The following PAN3 variants were observed in gnomAD, a reference collection of about 807,000 sequenced individuals.
The protein encoded by PAN3 is PAN2-PAN3 deadenylation complex subunit PAN3.
In PAN3, 19 loss-of-function variants were observed where a neutral mutation model predicts 96.2. The ratio of observed to expected loss-of-function variants is 0.20; its 90% CI spans 0.14 to 0.29. The LOEUF is 0.29. Ranked by LOEUF, PAN3 falls within the 10% of genes least tolerant of loss-of-function variation. The pLI, the probability that PAN3 is intolerant of heterozygous loss-of-function variation, is 1.00. For synonymous variants in PAN3, 433 were observed against 406.6 expected (o/e 1.06, Z -0.78); for missense variants, 882 against 1,108.1 (o/e 0.80, Z 2.90).
chr13:28,214,602 A>G, intron 5 of PAN3: 3 of 419,044 alleles, frequency 7.2e-6, no homozygotes, highest in South Asian at 6.3e-5. Flanking sequence ...CTGATCTACA[A>G]ATGTGGTGGA....
At chr13:28,236,008 A>G (rs962559533) in intron 6 of PAN3, among the ~76,000 whole-genome samples, 2 of 151,694 alleles carry the variant, frequency 1.3e-5, no homozygotes, top group South Asian at 2.1e-4. Context: ...TTGGGATTAC[A>G]TACGTGAACC....
intron 6 of PAN3, among the ~76,000 whole-genome samples, chr13:28,252,524 GT>G (rs956775414): frequency 6.6e-6 from 1 of 152,012 alleles, no homozygotes; most frequent in African/African-American, 2.4e-5. Context: ...TAGCCTTGAA[GT>G]TTTTAAAATC....
At chr13:28,235,690 CACACAT>C (rs1489245313) in intron 6 of PAN3, among the ~76,000 whole-genome samples, 2 of 104,736 alleles carry the variant, frequency 1.9e-5, no homozygotes, top group Admixed American at 2.3e-4. Flanking sequence ...TATACACACA[CACACAT>C]ACACACACAC....
chr13:28,216,110 A>G (rs1474750299), intron 5 of PAN3, among the ~76,000 whole-genome samples: 1 of 134,836 alleles, frequency 7.4e-6, no homozygotes, highest in Non-Finnish European at 1.6e-5. Flanking sequence ...TAGTTTTACT[A>G]GTTTTTTAAA....
intron 1 of PAN3, among the ~76,000 whole-genome samples, chr13:28,147,061 A>G (rs1242738927): frequency 1.3e-5 from 2 of 152,214 alleles, no homozygotes; most frequent in Non-Finnish European, 2.9e-5. Flanking sequence ...ACCGTCATAC[A>G]TTTGGTTTGT....
At chr13:28,274,028 C>A (rs1232698660) in intron 14 of PAN3, among the ~76,000 whole-genome samples, 1 of 152,188 alleles carries the variant, frequency 6.6e-6, no homozygotes, top group Admixed American at 6.5e-5. Flanking sequence ...GACTTGCAGG[C>A]ACTCATTGCA....
At chr13:28,250,504 T>TA (rs754638479) in intron 6 of PAN3, among the ~76,000 whole-genome samples, 8 of 152,158 alleles carry the variant, frequency 5.3e-5, no homozygotes, top group Non-Finnish European at 1.0e-4. Context: ...TAGCTGAAAT[T>TA]ACAGGCATGT....
intron 6 of PAN3, among the ~76,000 whole-genome samples, chr13:28,222,727 A>G (rs2138390080): frequency 6.6e-6 from 1 of 152,214 alleles, no homozygotes; most frequent in East Asian, 1.9e-4. Flanking sequence ...ATAAATAAAG[A>G]GTTTATTTAC....
rs1332205359 is a variant in PAN3, at chr13:28,177,846, T to TA, written c.620-18dup. On this transcript the variant is annotated intron_variant, in intron 3 of 18. Transcript: ENST00000380958. Reference sequence around the variant, plus strand: ...TACCCAAGTTTTATGTGTGGAAACTTACGTAACTTACCTTTCAGATCCTCT... The same window carrying TA: ...TACCCAAGTTTTATGTGTGGAAACTTAACGTAACTTACCTTTCAGATCCTCT... The TA allele has an allele frequency of 1.9e-6, 3 of 1,606,066 alleles. No homozygotes were observed. Among genetic ancestry groups the TA allele is most frequent in the South Asian group, 2.2e-5 (2 of 90,798 alleles).
chr13:28,263,705 C>G (rs1287179290), intron 9 of PAN3, among the ~76,000 whole-genome samples: 1 of 152,128 alleles, frequency 6.6e-6, no homozygotes. Flanking sequence ...AAGTCAACTT[C>G]AAATAGATTA....
intron 6 of PAN3, among the ~76,000 whole-genome samples, chr13:28,233,929 G>A (rs1440206711): frequency 1.3e-5 from 2 of 152,144 alleles, no homozygotes; most frequent in Non-Finnish European, 2.9e-5. Flanking sequence ...ATGTGTATCA[G>A]CATTTCCCAA....
Position 28,288,094 on chromosome 13 carries a change from T to C in PAN3, c.2495T>C (p.Leu832Pro). Residue 832 changes from leucine (L) to proline (P), a missense_variant, in exon 18 of 19, where the codon CTC becomes CCC. Around this residue, in one of 3 missense-constraint regions of PAN3, gnomAD observed 76 missense variants for 171.7 expected, o/e 0.44. Transcript: ENST00000380958. ...GAAGCAGGTGCTCCCTGGATTGACC[T>C]CAGTCATATAATTTCTTGTCTTAAC... ...VTEAGAPWID[L>P]SHIISCLNKL... 1 of 1,610,254 alleles carries C rather than the reference T, an allele frequency of 6.2e-7. No individual in the cohort carries two copies. Among genetic ancestry groups the C allele is most frequent in the Non-Finnish European group, 8.5e-7 (1 of 1,178,736 alleles).
At chr13:28,194,539 C>T (rs527862271) in intron 4 of PAN3, among the ~76,000 whole-genome samples, 5 of 144,388 alleles carry the variant, frequency 3.5e-5, no homozygotes, top group East Asian at 4.0e-4. Context: ...GGCGTGATCT[C>T]GGCTCAATGC....
chr13:28,169,873 C>T (rs1435797071), intron 1 of PAN3, among the ~76,000 whole-genome samples: 3 of 151,740 alleles, frequency 2.0e-5, no homozygotes, highest in African/African-American at 7.3e-5. Flanking sequence ...ATGGTGAAAC[C>T]CCATCTTTAC....
chr13:28,265,322 C>T (rs1254837349), intron 9 of PAN3, among the ~76,000 whole-genome samples: 1 of 152,214 alleles, frequency 6.6e-6, no homozygotes, highest in Non-Finnish European at 1.5e-5. Context: ...GCCTCAGCCT[C>T]CCAAGTAGCT....
intron 6 of PAN3, chr13:28,232,712 A>G (rs1882706629): frequency 6.6e-6 from 1 of 152,190 alleles, no homozygotes; most frequent in Non-Finnish European, 1.5e-5. Flanking sequence ...TATGCACAGA[A>G]TTACATATAC....
chr13:28,257,222 A>G (rs1235195906), intron 7 of PAN3, among the ~76,000 whole-genome samples: 1 of 152,178 alleles, frequency 6.6e-6, no homozygotes, highest in African/African-American at 2.4e-5. Flanking sequence ...AAGATTTCTT[A>G]TCAGAGTCAA....
chr13:28,215,314 TG>T, intron 5 of PAN3: 1 of 732,762 alleles, frequency 1.4e-6, no homozygotes, highest in Non-Finnish European at 2.5e-6. Flanking sequence ...GTGGACCGAG[TG>T]GAGACTGGTG....
intron 5 of PAN3, among the ~76,000 whole-genome samples, chr13:28,217,172 G>A (rs1346791440): frequency 1.3e-5 from 2 of 151,884 alleles, no homozygotes; most frequent in Admixed American, 1.3e-4. Flanking sequence ...CAGGATTCTT[G>A]ATTTATTATA....
Sources: gnomAD v4.1 joint callset for allele counts (sites outside exome capture counted in the v4.1 genomes callset) on GRCh38, gnomAD v4.1.1 for gene constraint, gnomAD v4.1.1 regional missense constraint, MANE v1.5 for transcripts, NCBI Gene and HGNC (gene_info 2026-07-23, HGNC 2026-07-21) for gene names.